Variants in CTNND2 observed in about 807,000 individuals in gnomAD.
CTNND2 encodes catenin delta 2, also known as catenin delta-2.
CTNND2 carries 22 observed loss-of-function variants against 144.4 expected under a neutral mutation model. That is an observed-to-expected ratio of 0.15 (90% CI 0.11 to 0.22). The LOEUF is 0.22. CTNND2 is among the 10% of genes least tolerant of loss of function. The pLI, the probability that CTNND2 is intolerant of heterozygous loss-of-function variation, is 1.00. For missense variants in CTNND2, 1,353 were observed against 1,618.8 expected (o/e 0.84, Z 2.82); for synonymous variants, 751 against 695.6 (o/e 1.08, Z -1.25).
At chr5:11,511,019 C>A (rs1410961478) in intron 3 of CTNND2, among the ~76,000 whole-genome samples, 2 of 152,180 alleles carry the variant, frequency 1.3e-5, no homozygotes, top group Admixed American at 1.3e-4. Flanking sequence ...AAAGACTCTA[C>A]ATGACAAAAT....
At chr5:11,477,179 C>T (rs1358437702) in intron 3 of CTNND2, among the ~76,000 whole-genome samples, 1 of 152,112 alleles carries the variant, frequency 6.6e-6, no homozygotes, top group Non-Finnish European at 1.5e-5. Context: ...ATGATTTATC[C>T]CACAATTATC....
intron 7 of CTNND2, among the ~76,000 whole-genome samples, chr5:11,371,163 A>T (rs1020101540): frequency 6.6e-6 from 1 of 152,236 alleles, no homozygotes; most frequent in Non-Finnish European, 1.5e-5. Flanking sequence ...GCTAGGCAAC[A>T]TGGCTTTGCA....
chr5:11,350,312 AC>A (rs1478661226), intron 8 of CTNND2, among the ~76,000 whole-genome samples: 1 of 152,140 alleles, frequency 6.6e-6, no homozygotes, highest in Non-Finnish European at 1.5e-5. Context: ...GCAAAAAAGT[AC>A]AAAAATTATG....
At chr5:11,353,531 G>T (rs899905089) in intron 8 of CTNND2, among the ~76,000 whole-genome samples, 17 of 152,220 alleles carry the variant, frequency 1.1e-4, no homozygotes, top group Admixed American at 9.2e-4. Flanking sequence ...AGGGCTGGGT[G>T]CAGTGGCTCA....
At chr5:11,696,054 G>A (rs1049897692) in intron 2 of CTNND2, among the ~76,000 whole-genome samples, 2 of 152,076 alleles carry the variant, frequency 1.3e-5, no homozygotes, top group African/African-American at 4.8e-5. Context: ...CATGGATAGT[G>A]TGATATTGCC....
At chr5:10,982,322 G>T (rs1737388412) in intron 20 of CTNND2, among the ~76,000 whole-genome samples, 1 of 152,230 alleles carries the variant, frequency 6.6e-6, no homozygotes, top group Admixed American at 6.5e-5. Flanking sequence ...CAAAGGACGG[G>T]CAGGGGGCAT....
At chr5:10,995,401 G>A (rs996766415) in intron 18 of CTNND2, among the ~76,000 whole-genome samples, 6 of 152,168 alleles carry the variant, frequency 3.9e-5, no homozygotes, top group African/African-American at 7.2e-5. Flanking sequence ...ACCGAATACC[G>A]AGGAGGACCA....
chr5:11,694,120 A>C (rs1188785953), intron 2 of CTNND2, among the ~76,000 whole-genome samples: 1 of 152,174 alleles, frequency 6.6e-6, no homozygotes, highest in Non-Finnish European at 1.5e-5. Flanking sequence ...GGCTATTTTA[A>C]ACAATGAAAT....
At chr5:11,255,273 T>C (rs1190801106) in intron 9 of CTNND2, among the ~76,000 whole-genome samples, 2 of 152,196 alleles carry the variant, frequency 1.3e-5, no homozygotes. Flanking sequence ...TGCATCTCAG[T>C]TGCAGTGAGG....
chr5:11,349,004 G>C (rs1026974985), intron 8 of CTNND2, among the ~76,000 whole-genome samples: 1 of 152,264 alleles, frequency 6.6e-6, no homozygotes, highest in African/African-American at 2.4e-5. Flanking sequence ...TTTAGAGCTT[G>C]GTTTCTAAAG....
At chr5:11,089,147 G>A (rs1222636692) in intron 15 of CTNND2, among the ~76,000 whole-genome samples, 1 of 152,194 alleles carries the variant, frequency 6.6e-6, no homozygotes, top group Non-Finnish European at 1.5e-5. Context: ...ATTCGTGGAG[G>A]GGAACTTCTG....
At chr5:11,672,299 G>A (rs1299532233) in intron 2 of CTNND2, among the ~76,000 whole-genome samples, 1 of 152,214 alleles carries the variant, frequency 6.6e-6, no homozygotes, top group Non-Finnish European at 1.5e-5. Context: ...CCTTATCAGA[G>A]CTCAAATGCT....
chr5:11,648,775 G>T (rs995835875), intron 2 of CTNND2, among the ~76,000 whole-genome samples: 4 of 152,092 alleles, frequency 2.6e-5, no homozygotes, highest in African/African-American at 4.8e-5. Context: ...ACACTCAATA[G>T]ACTTTGAGCA....
At chr5:11,303,060 G>A (rs1453139805) in intron 9 of CTNND2, among the ~76,000 whole-genome samples, 1 of 152,170 alleles carries the variant, frequency 6.6e-6, no homozygotes, top group Non-Finnish European at 1.5e-5. Context: ...GTAATGTAAT[G>A]TTCCAAGTAT....
At chr5:11,365,881 T>C (rs1756937844) in intron 7 of CTNND2, among the ~76,000 whole-genome samples, 2 of 152,070 alleles carry the variant, frequency 1.3e-5, no homozygotes, top group South Asian at 4.2e-4. Context: ...CAAGGAGAGG[T>C]GGCATCTTCC....
chr5:11,791,584 T>A (rs972911540), intron 1 of CTNND2, among the ~76,000 whole-genome samples: 3 of 152,214 alleles, frequency 2.0e-5, no homozygotes, highest in South Asian at 2.1e-4. Context: ...TGACTGTAAC[T>A]GTTAAGTATA....
chr5:11,512,464 C>G (rs1771745301), intron 3 of CTNND2, among the ~76,000 whole-genome samples: 1 of 152,166 alleles, frequency 6.6e-6, no homozygotes, highest in Admixed American at 6.5e-5. Flanking sequence ...ATGAATTTTC[C>G]AGCACAAATT....
chr5:11,170,418 T>C (rs1056616513), intron 11 of CTNND2, among the ~76,000 whole-genome samples: 1 of 152,258 alleles, frequency 6.6e-6, no homozygotes, highest in South Asian at 2.1e-4. Flanking sequence ...TGTATGTATG[T>C]ATCTTCATAC....
rs1758844332 is a variant in CTNND2 at position 11,384,569 on chromosome 5, G to C, written c.1177+96C>G. 8.5e-7 allele frequency: 1 copy of C among 1,180,374 alleles called. No homozygotes were observed. The highest frequency in any genetic ancestry group is 1.2e-6 in the Non-Finnish European group (1 of 859,586). 73.1% of individuals were successfully genotyped at this position (1,180,374 alleles called of 1,614,324 possible). On this transcript the variant is annotated intron_variant, in intron 7 of 21. Transcript: ENST00000304623. The surrounding 1 kb of genome is among the most constrained non-coding windows in gnomAD (Gnocchi z 5.2). ...TGCAACTACTACAACCTGGCAGACA[G>C]CGCGCCCGGCTTCGCTTCTGCTCAA...
Sources: gnomAD v4.1 joint callset for allele counts (sites outside exome capture counted in the v4.1 genomes callset) on GRCh38, gnomAD v4.1.1 for gene constraint, Gnocchi (gnomAD v3.1) non-coding constraint, MANE v1.5 for transcripts, NCBI Gene and HGNC (gene_info 2026-07-23, HGNC 2026-07-21) for gene names.